Variants in PRR29 observed in about 807,000 individuals in gnomAD.
PRR29 encodes proline rich 29.
Under a neutral mutation model 25.1 loss-of-function variants are expected in PRR29, and 20 were observed. The ratio of observed to expected loss-of-function variants is 0.80; its 90% CI spans 0.56 to 1.16. PRR29 has a LOEUF of 1.16. Among genes scored for constraint, PRR29 ranks in the 50% most tolerant of loss-of-function variants. The pLI, the probability that PRR29 is intolerant of heterozygous loss-of-function variation, is 0.00. For synonymous variants in PRR29, 108 were observed against 102.6 expected, an observed-to-expected ratio of 1.05 and a Z score of -0.32; for missense variants, 238 against 246.6, an observed-to-expected ratio of 0.97 and a Z score of 0.23.
In PRR29 at chr17:64,001,311, G is replaced by GT; in HGVS notation, c.470+2dup. 2 of 1,534,230 alleles carry GT rather than the reference G, an allele frequency of 1.3e-6. No individual in the cohort carries two copies. The highest frequency in any genetic ancestry group is 1.4e-5 in the African/African-American group (1 of 73,122). On this transcript the variant is annotated splice_donor_variant, in intron 4 of 5. Coordinates refer to ENST00000412177, the MANE Select transcript of PRR29 (RefSeq NM_001164257.2). LOFTEE classifies it high-confidence loss of function. Reference sequence around the variant, plus strand: ...GTCCTGCCTCCAGGGAAAGGGAGGTGTAAGTGAGGCTGGGTGCTGCCAGGG... The same window carrying GT: ...GTCCTGCCTCCAGGGAAAGGGAGGTGTTAAGTGAGGCTGGGTGCTGCCAGGG...
intron 1 of PRR29, 118 bp downstream of exon 1, chr17:63,998,542 C>A: frequency 1.6e-6 from 2 of 1,255,952 alleles, no homozygotes; most frequent in Non-Finnish European, 2.2e-6. Context: ...CAGCCCCAAA[C>A]CGAGAGGAAG....
chr17:64,003,922 A>G lies in PRR29; in HGVS notation c.*2161A>G. ...AATGGTGAAGGACTTGCCCACAGCC[A>G]CCAAAGTGGGTTGCAGTGTCAGGAT... On this transcript the variant is annotated 3_prime_UTR_variant, in exon 6 of 6. Coordinates refer to ENST00000412177, the MANE Select transcript of PRR29 (RefSeq NM_001164257.2). 1 of 1,614,034 alleles carries G rather than the reference A, an allele frequency of 6.2e-7. No homozygotes were observed. Among genetic ancestry groups the G allele is most frequent in the Non-Finnish European group, 8.5e-7 (1 of 1,179,964 alleles).
Position 64,003,883 on chromosome 17 carries a change from G to A in PRR29, c.*2122G>A, listed in dbSNP as rs1388491885. 6.2e-7 allele frequency: 1 copy of A among 1,614,170 alleles called. No individual in the cohort carries two copies. Among genetic ancestry groups the A allele is most frequent in the Admixed American group, 1.7e-5 (1 of 60,024 alleles). ...GAGGCTGTCCAGGGGCTCCACGGTGGGCACCCTGCACTCAATGGTGAAGGA... is the reference window on the plus strand; with the variant it reads ...GAGGCTGTCCAGGGGCTCCACGGTGAGCACCCTGCACTCAATGGTGAAGGA... On this transcript the variant is annotated 3_prime_UTR_variant, in exon 6 of 6. Coordinates refer to ENST00000412177, the MANE Select transcript of PRR29 (RefSeq NM_001164257.2).
rs984711851 is a variant in PRR29 at position 64,001,898 on chromosome 17, C to T, written c.*137C>T. ...TCTCACTCCCTCAACCTCAGCCAGG[C>T]CCTCTTCTCCTGGGGAAATCAGTCC... On this transcript the variant is annotated 3_prime_UTR_variant, in exon 6 of 6. Coordinates refer to ENST00000412177, the MANE Select transcript of PRR29 (RefSeq NM_001164257.2). The T allele has an allele frequency of 2.6e-6, 4 of 1,536,118 alleles. No homozygotes were observed. The highest frequency in any genetic ancestry group is 3.9e-5 in the Admixed American group (2 of 50,992).
rs538353983 is a variant in PRR29 at position 64,003,664 on chromosome 17, G to A, written c.*1903G>A. 20 of 1,613,830 alleles carry A rather than the reference G, an allele frequency of 1.2e-5. No individual in the cohort carries two copies. Among genetic ancestry groups the A allele is most frequent in the South Asian group, 9.9e-5 (9 of 91,048 alleles). On this transcript the variant is annotated 3_prime_UTR_variant, in exon 6 of 6. Coordinates refer to ENST00000412177, the MANE Select transcript of PRR29 (RefSeq NM_001164257.2). ...CTCACCATAGATCTCCAACATCTTC[G>A]GGGCTGAGTGTTTGTGAAAGATGTT...
chr17:64,001,553 TG>T lies in PRR29; in HGVS notation c.541+19del. 6.6e-7 allele frequency: 1 copy of T among 1,515,630 alleles called. No individual in the cohort carries two copies. The highest frequency in any genetic ancestry group is 2.1e-5 in the Admixed American group (1 of 47,902). 93.9% of individuals were successfully genotyped at this position (1,515,630 alleles called of 1,614,324 possible). On this transcript the variant is annotated intron_variant, in intron 5 of 5. Transcript: ENST00000412177. ...CCGGCTTCAGGTAGGGCTGGGGTGG[TG>T]GGCAGCGGGGCCCAGGCCTGGGAGT...
chr17:64,001,151 G>A lies in PRR29; in HGVS notation c.311G>A (p.Gly104Glu). 6.5e-7 allele frequency: 1 copy of A among 1,537,470 alleles called. No individual in the cohort carries two copies. Among genetic ancestry groups the A allele is most frequent in the Non-Finnish European group, 8.7e-7 (1 of 1,146,964 alleles). ...EEEEMDVREK[G>E]PLVFHHHYLP... is the part of the protein sequence containing the mutation. ...GAGGAGATGGACGTGCGGGAGAAAGGGCCTTTGGTGTTTCACCACCACTAC... is the reference window on the plus strand; with the variant it reads ...GAGGAGATGGACGTGCGGGAGAAAGAGCCTTTGGTGTTTCACCACCACTAC... Residue 104 changes from glycine to glutamate, a missense_variant, in exon 4 of 6, where the codon GGG (glycine) becomes GAG (glutamate). Coordinates refer to ENST00000412177, the MANE Select transcript of PRR29 (RefSeq NM_001164257.2).
chr17:64,003,532 G>A lies in PRR29; in HGVS notation c.*1771G>A, dbSNP rs975552632. 3 of 956,246 alleles carry A rather than the reference G, an allele frequency of 3.1e-6. No homozygotes were observed. The highest frequency in any genetic ancestry group is 3.3e-5 in the African/African-American group (2 of 61,096). 59.2% of individuals were successfully genotyped at this position (956,246 alleles called of 1,614,324 possible). A position where few individuals can be genotyped will look rare whatever the true frequency, so the allele number is the denominator to read the frequency against. On this transcript the variant is annotated 3_prime_UTR_variant, in exon 6 of 6. Coordinates refer to ENST00000412177, the MANE Select transcript of PRR29 (RefSeq NM_001164257.2). ...GAGAGTAAGAGGGAAGCCTCAGGATGAAGGGTGGGCTCCTGGGTGTTTGCT... is the reference window on the plus strand; with the variant it reads ...GAGAGTAAGAGGGAAGCCTCAGGATAAAGGGTGGGCTCCTGGGTGTTTGCT...
chr17:64,002,584 G>T lies in PRR29; in HGVS notation c.*823G>T. 1 of 659,058 alleles carries T rather than the reference G, an allele frequency of 1.5e-6. No homozygotes were observed. The highest frequency in any genetic ancestry group is 2.0e-5 in the South Asian group (1 of 50,104). 40.8% of individuals were successfully genotyped at this position (659,058 alleles called of 1,614,324 possible). ...TTGTTATCCCAGGAGGAGACACTGT[G>T]GGCACAGGGCTAAGTCCAGGTGTTT... On this transcript the variant is annotated 3_prime_UTR_variant, in exon 6 of 6. Transcript: ENST00000412177.
At position 64,003,794 on chromosome 17, in the gene PRR29, C is replaced by T. The variant is rs765989673; in HGVS notation, c.*2033C>T. ...AATGTGGCTGTGGCCTCCTGCGGAG[C>T]AGGGGCTGCCTTCCCGAAGGTCTCA... On this transcript the variant is annotated 3_prime_UTR_variant, in exon 6 of 6. Coordinates refer to ENST00000412177, the MANE Select transcript of PRR29 (RefSeq NM_001164257.2). 1 of 1,614,256 alleles carries T rather than the reference C, an allele frequency of 6.2e-7. No individual in the cohort carries two copies. Among genetic ancestry groups the T allele is most frequent in the South Asian group, 1.1e-5 (1 of 91,090 alleles).
rs1910826992 is a variant in PRR29, at chr17:64,002,277, A to C, written c.*516A>C. 2.0e-6 allele frequency: 1 copy of C among 500,262 alleles called. No individual in the cohort carries two copies. The allele number at this position is 500,262 out of a possible 1,614,324, so 31.0% of individuals were successfully genotyped here. A position where few individuals can be genotyped will look rare whatever the true frequency, so the allele number is the denominator to read the frequency against. ...GCAGAGTCAGTTCGCTGGGCCCCCC[A>C]CCCCTCATCCCAGGAAGCAGCTCTG... On this transcript the variant is annotated 3_prime_UTR_variant, in exon 6 of 6. Transcript: ENST00000412177.
intron 4 of PRR29, 75 bp from the exon 5 acceptor site, chr17:64,001,392 A>AGAT: frequency 6.7e-7 from 1 of 1,488,576 alleles, no homozygotes; most frequent in Non-Finnish European, 9.0e-7. Context: ...TGGTCGGTGG[A>AGAT]GATAACTTGT....
rs781524040 is a variant in PRR29, at chr17:64,001,685, G to A, written c.542-48G>A. The A allele has an allele frequency of 4.8e-5, 74 of 1,533,132 alleles. No individual in the cohort carries two copies. The South Asian group carries it at 8.4e-4, about 17-fold the overall frequency. The allele number at this position is 1,533,132 out of a possible 1,614,324, so 95.0% of individuals were successfully genotyped here. A position where few individuals can be genotyped will look rare whatever the true frequency, so the allele number is the denominator to read the frequency against. ...TGTCCCCTTCCCTTTACCTCTTTGG[G>A]GTCCACTGAGACAGGAGGGAGTCAA... On this transcript the variant is annotated intron_variant, in intron 5 of 5. Transcript: ENST00000412177.
chr17:64,000,762 C>T (rs1910623155), intron 3 of PRR29: 1 of 320,290 alleles, frequency 3.1e-6, no homozygotes, highest in Non-Finnish European at 6.0e-6. Context: ...ACGCCATTCT[C>T]CTGCCTCAGC....
intron 3 of PRR29, 123 bp from the exon 4 acceptor site, chr17:64,000,961 T>C: frequency 6.9e-6 from 6 of 870,710 alleles, no homozygotes; most frequent in South Asian, 1.6e-5. Flanking sequence ...CCACCATGCC[T>C]GGCCACAAGC....
At position 64,001,142 on chromosome 17, in the gene PRR29, G is replaced by A. The variant is rs370108614; in HGVS notation, c.302G>A (p.Arg101Gln). 15 of 1,537,368 alleles carry A rather than the reference G, an allele frequency of 9.8e-6. No homozygotes were observed. Among genetic ancestry groups the A allele is most frequent in the Admixed American group, 5.9e-5 (3 of 50,980 alleles). The change falls in exon 4 of 6, where the codon CGG becomes CAG. Residue 101 changes from arginine (R) to glutamine (Q), a missense_variant. Arg to Gln is a conservative substitution (Grantham distance 43). Transcript: ENST00000412177. ...PEEEEEEMDV[R>Q]EKGPLVFHHH... ...GAGGAGGAGGAGGAGATGGACGTGC[G>A]GGAGAAAGGGCCTTTGGTGTTTCAC...
At chr17:63,999,810 T>C (rs1910480717) in intron 3 of PRR29, 1 of 154,080 alleles carries the variant, frequency 6.5e-6, no homozygotes, top group Admixed American at 6.5e-5. Flanking sequence ...TTCACGTGCG[T>C]GTGCAAGGGT....
Position 63,999,025 on chromosome 17 carries a change from G to T in PRR29, c.194G>T (p.Arg65Leu). ...CAGATGCACCAGCTGCTGCTGAGTC[G>T]CCTGGTGGCTGGAGCGCTGCAGCCC... is the stretch of plus-strand genomic sequence containing the variant. The part of the protein sequence containing the change: ...NAQMHQLLLS[R>L]LVAGALQPRP... Residue 65 changes from arginine to leucine, a missense_variant, in exon 3 of 6, where the codon CGC becomes CTC. Transcript: ENST00000412177. 6.5e-7 allele frequency: 1 copy of T among 1,536,042 alleles called. No individual in the cohort carries two copies. The highest frequency in any genetic ancestry group is 8.7e-7 in the Non-Finnish European group (1 of 1,146,792).
rs1910811899 is a variant in PRR29, at chr17:64,002,097, T to G, written c.*336T>G. On this transcript the variant is annotated 3_prime_UTR_variant, in exon 6 of 6. Coordinates refer to ENST00000412177, the MANE Select transcript of PRR29 (RefSeq NM_001164257.2). Reference sequence around the variant, plus strand: ...GCCCCCACCCTCTCTCCCTCACCCCTCTCTCTGGGATGATGAGGTCTCCTT... The same window carrying G: ...GCCCCCACCCTCTCTCCCTCACCCCGCTCTCTGGGATGATGAGGTCTCCTT... 8.9e-7 allele frequency: 1 copy of G among 1,122,706 alleles called. No individual in the cohort carries two copies. Among genetic ancestry groups the G allele is most frequent in the Non-Finnish European group, 1.2e-6 (1 of 801,708 alleles). The allele number at this position is 1,122,706 out of a possible 1,614,324, so 69.5% of individuals were successfully genotyped here. A position where few individuals can be genotyped will look rare whatever the true frequency, so the allele number is the denominator to read the frequency against.
Sources: allele counts gnomAD v4.1 joint callset, GRCh38; gene constraint gnomAD v4.1.1; transcripts MANE v1.5; gene names NCBI Gene and HGNC (gene_info 2026-07-23, HGNC 2026-07-21).